The following RBFOX1 variants were observed in gnomAD, a reference collection of about 807,000 sequenced individuals.
RBFOX1 encodes RNA binding fox-1 homolog 1, also known as RNA binding protein fox-1 homolog 1.
A neutral mutation model predicts 57.7 loss-of-function variants in RBFOX1; 8 were observed. The ratio of observed to expected loss-of-function variants is 0.14; its 90% CI spans 0.08 to 0.25. The LOEUF (loss-of-function observed/expected upper bound fraction) is 0.25, where lower values mean the gene tolerates loss of function less well. RBFOX1 is among the 10% of genes least tolerant of loss of function. The pLI is 1.00. For synonymous variants in RBFOX1, 326 were observed against 222.4 expected, an observed-to-expected ratio of 1.47 and a Z score of -4.15; for missense variants, 611 against 548.5, an observed-to-expected ratio of 1.11 and a Z score of -1.14.
chr16:7,392,228 G>C (rs1437442657), intron 4 of RBFOX1, among the ~76,000 whole-genome samples: 1 of 151,952 alleles, frequency 6.6e-6, no homozygotes, highest in African/African-American at 2.4e-5. Context: ...CTTTTTCATG[G>C]AAGCCCTCCC....
At chr16:5,466,919 TTCTGA>T (rs1405842721) in intron 1 of RBFOX1, among the ~76,000 whole-genome samples, 2 of 152,230 alleles carry the variant, frequency 1.3e-5, no homozygotes, top group African/African-American at 4.8e-5. Context: ...GGAATTATCA[TTCTGA>T]TCTGATCTTC....
intron 4 of RBFOX1, among the ~76,000 whole-genome samples, chr16:7,332,293 A>G (rs958459458): frequency 6.6e-6 from 1 of 152,224 alleles, no homozygotes; most frequent in Non-Finnish European, 1.5e-5. Flanking sequence ...TGTGAGAATG[A>G]AATTACATAA....
At chr16:7,596,162 T>TAAACCTCTCG (rs1250101933) in intron 8 of RBFOX1, among the ~76,000 whole-genome samples, 5 of 52,222 alleles carry the variant, frequency 9.6e-5, no homozygotes, top group African/African-American at 1.7e-4. Context: ...AGGTTTTTAC[T>TAAACCTCTCG]AAACCTCTCG....
chr16:6,810,459 A>C (rs1287301820), intron 3 of RBFOX1, among the ~76,000 whole-genome samples: 4 of 152,104 alleles, frequency 2.6e-5, no homozygotes, highest in Non-Finnish European at 2.9e-5. Context: ...ACACAAAGGT[A>C]TCTAATTTTC....
intron 4 of RBFOX1, among the ~76,000 whole-genome samples, chr16:7,055,874 C>G (rs981147255): frequency 6.6e-6 from 1 of 152,174 alleles, no homozygotes; most frequent in Non-Finnish European, 1.5e-5. Flanking sequence ...GTTTTCATTA[C>G]TCTCTTTCAT....
intron 4 of RBFOX1, among the ~76,000 whole-genome samples, chr16:7,213,233 A>G (rs2091467820): frequency 6.6e-6 from 1 of 152,188 alleles, no homozygotes; most frequent in African/African-American, 2.4e-5. Flanking sequence ...ACAATGAGGC[A>G]TCAGTTTTTC....
intron 3 of RBFOX1, among the ~76,000 whole-genome samples, chr16:5,650,768 G>A (rs2049209518): frequency 6.6e-6 from 1 of 151,954 alleles, no homozygotes; most frequent in Non-Finnish European, 1.5e-5. Context: ...CACATTTATT[G>A]AATGCTCAGT....
chr16:6,351,057 C>G (rs1184724997), intron 2 of RBFOX1, among the ~76,000 whole-genome samples: 1 of 152,002 alleles, frequency 6.6e-6, no homozygotes, highest in Non-Finnish European at 1.5e-5. Context: ...TCTCCTGTTG[C>G]CTTTCAACCA....
chr16:5,885,361 C>G lies in RBFOX1; in HGVS notation c.351+18026C>G, dbSNP rs185053930. On this transcript the variant is annotated intron_variant, in intron 4 of 19. Transcript: ENST00000641259. ...AACTCCAAATACGACTGCATTTTTC[C>G]CCTTAAATCATCCAATCTGCCATCT... Among the ~76,000 whole-genome samples the G allele has an allele frequency of 3.7e-3, 555 of 151,730 alleles. 1 individual carries two copies. The highest frequency in any genetic ancestry group is 5.4e-3 in the Non-Finnish European group (366 of 67,928).
At chr16:5,484,622 T>G (rs943033611) in intron 2 of RBFOX1, among the ~76,000 whole-genome samples, 2 of 151,950 alleles carry the variant, frequency 1.3e-5, no homozygotes, top group Admixed American at 6.6e-5. Flanking sequence ...TACAAAAAAT[T>G]TTTAAAATGG....
At chr16:6,657,531 T>C (rs2098667933) in intron 3 of RBFOX1, among the ~76,000 whole-genome samples, 2 of 152,148 alleles carry the variant, frequency 1.3e-5, no homozygotes, top group South Asian at 2.1e-4. Context: ...CGTCAGGTTC[T>C]GGGAGTGCAC....
At chr16:7,169,113 A>G (rs1283821623) in intron 4 of RBFOX1, among the ~76,000 whole-genome samples, 7 of 152,236 alleles carry the variant, frequency 4.6e-5, no homozygotes, top group Non-Finnish European at 1.5e-5. Flanking sequence ...GGCAGGAAAA[A>G]TGTGAAGTTC....
intron 1 of RBFOX1, among the ~76,000 whole-genome samples, chr16:5,393,100 G>A (rs1021730190): frequency 6.6e-6 from 1 of 152,086 alleles, no homozygotes; most frequent in Non-Finnish European, 1.5e-5. Context: ...GTGGCTCAGG[G>A]CCTCAGCAGG....
At chr16:6,471,025 A>G (rs772495733) in intron 2 of RBFOX1, among the ~76,000 whole-genome samples, 4 of 152,106 alleles carry the variant, frequency 2.6e-5, no homozygotes, top group Non-Finnish European at 5.9e-5. Flanking sequence ...CTTCCTAGCA[A>G]TGACTGTTCC....
intron 4 of RBFOX1, among the ~76,000 whole-genome samples, chr16:7,188,492 T>C (rs909666100): frequency 2.0e-5 from 3 of 152,212 alleles, no homozygotes; most frequent in African/African-American, 4.8e-5. Flanking sequence ...ACTGAAGTTA[T>C]GCAGAAAGGA....
At chr16:7,709,588 C>A (rs1036516009) in intron 15 of RBFOX1, 12 of 1,530,690 alleles carry the variant, frequency 7.8e-6, no homozygotes, top group African/African-American at 2.7e-5. Flanking sequence ...GACTGCCTCT[C>A]CTCCCCTATT....
chr16:7,624,000 GA>G (rs2059701627), intron 10 of RBFOX1, among the ~76,000 whole-genome samples: 1 of 152,306 alleles, frequency 6.6e-6, no homozygotes, highest in South Asian at 2.1e-4. Flanking sequence ...ACAGTGGACT[GA>G]AGGAAGGACT....
chr16:7,594,848 G>T (rs2152943342), intron 7 of RBFOX1, among the ~76,000 whole-genome samples: 1 of 152,278 alleles, frequency 6.6e-6, no homozygotes, highest in South Asian at 2.1e-4. Flanking sequence ...GAAGAGTGGG[G>T]AAAGTATGAG....
At chr16:6,832,952 T>C (rs763682438) in intron 3 of RBFOX1, among the ~76,000 whole-genome samples, 1 of 152,150 alleles carries the variant, frequency 6.6e-6, no homozygotes, top group African/African-American at 2.4e-5. Flanking sequence ...ATATTAAAAA[T>C]ACAGTCACAC....
Sources: gnomAD v4.1 joint callset for allele counts (sites outside exome capture counted in the v4.1 genomes callset) on GRCh38, gnomAD v4.1.1 for gene constraint, MANE v1.5 for transcripts, NCBI Gene and HGNC (gene_info 2026-07-23, HGNC 2026-07-21) for gene names.